Variants in GRIN2A observed in about 807,000 individuals in gnomAD.
GRIN2A encodes the protein glutamate ionotropic receptor NMDA type subunit 2A.
A neutral mutation model predicts 113.4 loss-of-function variants in GRIN2A; 22 were observed. The ratio of observed to expected loss-of-function variants is 0.19; its 90% CI spans 0.14 to 0.28. GRIN2A has a LOEUF of 0.28. Ranked by LOEUF, GRIN2A falls within the 10% of genes least tolerant of loss-of-function variation. The probability of loss-of-function intolerance (pLI) is 1.00; values close to 1 mark genes in which losing one functional copy is unlikely to be tolerated. For synonymous variants in GRIN2A, 827 were observed against 738.4 expected, an observed-to-expected ratio of 1.12 and a Z score of -1.94; for missense variants, 1,502 against 1,887.0, an observed-to-expected ratio of 0.80 and a Z score of 3.78.
intron 2 of GRIN2A, among the ~76,000 whole-genome samples, chr16:9,980,296 C>T (rs1479178040): frequency 6.6e-6 from 1 of 151,726 alleles, no homozygotes; most frequent in Non-Finnish European, 1.5e-5. Flanking sequence ...GATACCATCT[C>T]ATACCAGTTA....
At chr16:9,839,873 C>T (rs938729691) in intron 7 of GRIN2A, among the ~76,000 whole-genome samples, 6 of 152,136 alleles carry the variant, frequency 3.9e-5, no homozygotes, top group Non-Finnish European at 4.4e-5. Flanking sequence ...TTAGTCTACT[C>T]TCACGCTGCT....
intron 2 of GRIN2A, among the ~76,000 whole-genome samples, chr16:10,039,813 AAGAGAGAG>A (rs142696536): frequency 9.5e-5 from 7 of 73,582 alleles, no homozygotes; most frequent in African/African-American, 1.3e-4. Context: ...GGGGGGGAGA[AAGAGAGAG>A]AGAGAGAGAG....
intron 2 of GRIN2A, among the ~76,000 whole-genome samples, chr16:10,069,254 T>C (rs1465689538): frequency 6.6e-6 from 1 of 152,042 alleles, no homozygotes; most frequent in African/African-American, 2.4e-5. Context: ...TGAGGAAGGA[T>C]CTGAGATATA....
intron 2 of GRIN2A, among the ~76,000 whole-genome samples, chr16:9,974,333 C>T (rs532242287): frequency 6.6e-6 from 1 of 152,166 alleles, no homozygotes; most frequent in South Asian, 2.1e-4. Flanking sequence ...AAAGATCGAC[C>T]CCTGACCTAA....
chr16:9,905,671 A>G (rs942884250), intron 3 of GRIN2A, among the ~76,000 whole-genome samples: 29 of 152,168 alleles, frequency 1.9e-4, no homozygotes, highest in African/African-American at 6.5e-4. Context: ...ATGGATATAC[A>G]ATAAGCCCGG....
rs555349608 is a variant in GRIN2A at position 10,050,848 on chromosome 16, C to T, written c.415-112297G>A. On this transcript the variant is annotated intron_variant, in intron 2 of 12. Coordinates refer to ENST00000330684, the MANE Select transcript of GRIN2A (RefSeq NM_001134407.3). ...CTGAGAGTTTACAGAGGAGCACAGCCCTGCTTTCACAAACCTTGATTTTAA... is the reference window on the plus strand; with the variant it reads ...CTGAGAGTTTACAGAGGAGCACAGCTCTGCTTTCACAAACCTTGATTTTAA... 2.0e-5 allele frequency among the ~76,000 whole-genome samples: 3 copies of T among 152,118 alleles called. No individual in the cohort carries two copies. In the South Asian group the frequency reaches 6.2e-4, roughly 32 times the overall value.
rs183145279 is a variant in GRIN2A at position 9,866,597 on chromosome 16, C to G, written c.1123-16636G>C. 2.4e-3 allele frequency among the ~76,000 whole-genome samples: 367 copies of G among 152,318 alleles called. 1 individual carries two copies. Among genetic ancestry groups the G allele is most frequent in the African/African-American group, 7.4e-3 (308 of 41,576 alleles). ...TTGGCCTTGGGAAATCCCTCTGACT[C>G]AACACCTGGGGATAATATTGGTGAT... On this transcript the variant is annotated intron_variant, in intron 4 of 12. Coordinates refer to ENST00000330684, the MANE Select transcript of GRIN2A (RefSeq NM_001134407.3).
At chr16:9,915,292 G>T (rs914186426) in intron 3 of GRIN2A, among the ~76,000 whole-genome samples, 1 of 151,868 alleles carries the variant, frequency 6.6e-6, no homozygotes, top group Non-Finnish European at 1.5e-5. Context: ...TACAAGTCAG[G>T]GAAATAAGAA....
intron 2 of GRIN2A, among the ~76,000 whole-genome samples, chr16:10,009,977 G>A (rs1269531294): frequency 2.6e-5 from 4 of 152,212 alleles, no homozygotes; most frequent in Non-Finnish European, 5.9e-5. Context: ...CTGGCACAGC[G>A]TTGCACAGTC....
intron 2 of GRIN2A, among the ~76,000 whole-genome samples, chr16:10,104,053 G>C (rs2048448595): frequency 6.6e-6 from 1 of 152,176 alleles, no homozygotes; most frequent in African/African-American, 2.4e-5. Context: ...TCACACATGA[G>C]CATAACCGAA....
intron 4 of GRIN2A, among the ~76,000 whole-genome samples, chr16:9,886,427 C>T (rs1251044288): frequency 6.6e-6 from 1 of 152,120 alleles, no homozygotes; most frequent in African/African-American, 2.4e-5. Flanking sequence ...CCAGTATATA[C>T]ATTCATGGAG....
At chr16:9,768,283 A>G (rs1596381823) in intron 12 of GRIN2A, among the ~76,000 whole-genome samples, 1 of 152,084 alleles carries the variant, frequency 6.6e-6, no homozygotes, top group East Asian at 1.9e-4. Flanking sequence ...CGATCTCCTG[A>G]CCTCGTGATC....
intron 10 of GRIN2A, among the ~76,000 whole-genome samples, chr16:9,809,252 T>G (rs545108002): frequency 2.0e-5 from 3 of 152,248 alleles, no homozygotes; most frequent in Admixed American, 1.3e-4. Flanking sequence ...AAACCCCATC[T>G]CTATTAAAAA....
intron 3 of GRIN2A, among the ~76,000 whole-genome samples, chr16:9,926,825 C>T (rs1290097960): frequency 6.6e-6 from 1 of 151,986 alleles, no homozygotes; most frequent in Non-Finnish European, 1.5e-5. Flanking sequence ...TCACTAACTC[C>T]ATCTTTTTCA....
Position 9,764,063 on chromosome 16 carries a change from C to T in GRIN2A, c.3481G>A (p.Gly1161Arg), listed in dbSNP as rs2141131787. 1 of 1,613,628 alleles carries T rather than the reference C, an allele frequency of 6.2e-7. No homozygotes were observed. Among genetic ancestry groups the T allele is most frequent in the South Asian group, 1.1e-5 (1 of 91,062 alleles). Reference protein sequence around the residue: ...YQDPSENFRKGDSTLPMNRNP... With the variant: ...YQDPSENFRKRDSTLPMNRNP... ...CGGTTCATTGGCAGCGTGGAGTCCC[C>T]CTTGCGGAAGTTTTCACTGGGATCC... Residue 1161 changes from glycine to arginine, a missense_variant, in exon 13 of 13, where the codon GGG (glycine) becomes AGG (arginine). By Grantham distance (125) the Gly-to-Arg change is moderately radical. Coordinates refer to ENST00000330684, the MANE Select transcript of GRIN2A (RefSeq NM_001134407.3).
intron 9 of GRIN2A, among the ~76,000 whole-genome samples, chr16:9,828,169 C>T (rs895755898): frequency 1.3e-4 from 20 of 152,160 alleles, no homozygotes; most frequent in Admixed American, 4.6e-4. Context: ...CACAAGGACA[C>T]TGAGCTGAAA....
At position 10,031,099 on chromosome 16, in the gene GRIN2A, C is replaced by G. The variant is rs183500496; in HGVS notation, c.415-92548G>C. ...AGAAGAAGCCTACGCTGGAATCGCACTTAGTTCACGTCACTTCCCAGATCT... is the reference window on the plus strand; with the variant it reads ...AGAAGAAGCCTACGCTGGAATCGCAGTTAGTTCACGTCACTTCCCAGATCT... On this transcript the variant is annotated intron_variant, in intron 2 of 12. Transcript: ENST00000330684. 2.0e-5 allele frequency among the ~76,000 whole-genome samples: 3 copies of G among 152,188 alleles called. No individual in the cohort carries two copies. The East Asian group carries it at 5.8e-4, about 29-fold the overall frequency.
intron 9 of GRIN2A, among the ~76,000 whole-genome samples, chr16:9,827,218 G>A (rs142096128): frequency 3.3e-5 from 5 of 152,234 alleles, no homozygotes; most frequent in Non-Finnish European, 5.9e-5. Flanking sequence ...GCTGGCTGGC[G>A]AGTGGCAGAG....
intron 2 of GRIN2A, among the ~76,000 whole-genome samples, chr16:9,938,795 T>G (rs1281233272): frequency 6.6e-6 from 1 of 152,186 alleles, no homozygotes; most frequent in South Asian, 2.1e-4. Flanking sequence ...TTGCTTATCA[T>G]CTATTCTTCT....
Sources: allele counts gnomAD v4.1 joint callset (sites outside exome capture counted in the v4.1 genomes callset), GRCh38; gene constraint gnomAD v4.1.1; transcripts MANE v1.5; gene names NCBI Gene and HGNC (gene_info 2026-07-23, HGNC 2026-07-21).